The following BIN1 variants were observed in gnomAD, a reference collection of about 807,000 sequenced individuals.
BIN1 encodes myc box-dependent-interacting protein 1.
BIN1 carries 53 observed loss-of-function variants against 82.0 expected under a neutral mutation model. The ratio of observed to expected loss-of-function variants is 0.65; its 90% CI spans 0.52 to 0.81. The LOEUF is 0.81. BIN1 is among the 40% of genes least tolerant of loss of function. BIN1 has a pLI of 0.00. For synonymous variants in BIN1, 302 were observed against 328.0 expected (o/e 0.92, Z 0.86); for missense variants, 642 against 784.4 (o/e 0.82, Z 2.17).
intron 2 of BIN1, among the ~76,000 whole-genome samples, chr2:127,071,701 A>G (rs1027096598): frequency 6.6e-6 from 1 of 152,176 alleles, no homozygotes; most frequent in Non-Finnish European, 1.5e-5. Context: ...AGTTTCCAGA[A>G]GCCACGTGCA....
Position 127,070,600 on chromosome 2 carries a change from A to C in BIN1, c.268T>G (p.Tyr90Asp). The change falls in exon 4 of 19, where the codon TAT (tyrosine) becomes GAT (aspartate). Residue 90 changes from tyrosine to aspartate, a missense_variant. By Grantham distance (160) the Tyr-to-Asp change is radical (BLOSUM62 -3). Transcript: ENST00000316724. ...TCCCTGCCGGGCCAATCGGGCTCAT[A>C]CACCTCCTGCAGACACTCATTCAGC... ...KKLNECLQEV[Y>D]EPDWPGRDEA... 1 of 1,614,018 alleles carries C rather than the reference A, an allele frequency of 6.2e-7. No individual in the cohort carries two copies. Among genetic ancestry groups the C allele is most frequent in the Non-Finnish European group, 8.5e-7 (1 of 1,179,998 alleles).
chr2:127,053,984 T>A lies in BIN1; in HGVS notation c.1160A>T (p.Gln387Leu), dbSNP rs1683303431. 2 of 1,551,204 alleles carry A rather than the reference T, an allele frequency of 1.3e-6. No individual in the cohort carries two copies. Among genetic ancestry groups the A allele is most frequent in the African/African-American group, 2.7e-5 (2 of 72,948 alleles). Residue 387 changes from glutamine to leucine, a missense_variant, in exon 13 of 19, where the codon CAG (glutamine) becomes CTG (leucine). Gln to Leu is a moderately radical substitution (Grantham distance 113). Transcript: ENST00000316724. ...AAAGTCCAGGTCCAGCAGACTGGCCTGCTCCGAGAAAGGCCCCGGGGCCTC... is the reference window on the plus strand; with the variant it reads ...AAAGTCCAGGTCCAGCAGACTGGCCAGCTCCGAGAAAGGCCCCGGGGCCTC... ...QFEAPGPFSE[Q>L]ASLLDLDFDP...
In BIN1 at chr2:127,059,165, A is replaced by G; in HGVS notation, c.858-10T>C. On this transcript the variant is annotated splice_polypyrimidine_tract_variant and intron_variant, in intron 10 of 18. Coordinates refer to ENST00000316724, the MANE Select transcript of BIN1 (RefSeq NM_139343.3). This position sits in a 1 kb window ranked among gnomAD's most constrained non-coding sequence, Gnocchi z 6.7. ...TGCAGGCGCGTTGTCACTGTGGGGG[A>G]GGACAAGAAAGGGAGCCCAGTGTTG... 1 of 1,566,606 alleles carries G rather than the reference A, an allele frequency of 6.4e-7. No homozygotes were observed. Among genetic ancestry groups the G allele is most frequent in the Non-Finnish European group, 8.6e-7 (1 of 1,156,240 alleles).
intron 1 of BIN1, among the ~76,000 whole-genome samples, chr2:127,103,664 G>A (rs1465811161): frequency 6.6e-6 from 1 of 152,172 alleles, no homozygotes. Flanking sequence ...GGGCCAGCAG[G>A]CCAGATCCCC....
chr2:127,066,169 A>ACAGC (rs1685139681), intron 7 of BIN1, among the ~76,000 whole-genome samples: 2 of 152,104 alleles, frequency 1.3e-5, no homozygotes, highest in Non-Finnish European at 2.9e-5. Flanking sequence ...GTGCCATCTC[A>ACAGC]CAGCCAGCCA....
chr2:127,074,811 T>G (rs1283536222), intron 2 of BIN1, among the ~76,000 whole-genome samples: 1 of 152,250 alleles, frequency 6.6e-6, no homozygotes, highest in African/African-American at 2.4e-5. Context: ...CAAGAGATTC[T>G]TCTGCCCCAG....
At chr2:127,092,434 T>A (rs1679054402) in intron 1 of BIN1, among the ~76,000 whole-genome samples, 1 of 152,090 alleles carries the variant, frequency 6.6e-6, no homozygotes, top group South Asian at 2.1e-4. Context: ...CCACTAACCT[T>A]AGAGGGAGGT....
chr2:127,051,811 C>A (rs1281279850), intron 15 of BIN1, among the ~76,000 whole-genome samples: 2 of 152,218 alleles, frequency 1.3e-5, no homozygotes, highest in Non-Finnish European at 2.9e-5. Context: ...CTGCAGGAAC[C>A]CCAGAGCTGG....
Position 127,052,373 on chromosome 2 carries a change from G to C in BIN1, c.1264-11C>G. The C allele has an allele frequency of 1.3e-6, 2 of 1,566,336 alleles. No individual in the cohort carries two copies. The highest frequency in any genetic ancestry group is 3.7e-5 in the Admixed American group (2 of 53,464). On this transcript the variant is annotated splice_polypyrimidine_tract_variant and intron_variant, in intron 14 of 18. Coordinates refer to ENST00000316724, the MANE Select transcript of BIN1 (RefSeq NM_139343.3). ...TGGACTCTCTGTGGGCTGGTAACAG[G>C]CCACGAGGAGAGAACAGGGAGGGGG...
chr2:127,091,667 T>C (rs1045706010), intron 1 of BIN1, among the ~76,000 whole-genome samples: 2 of 152,044 alleles, frequency 1.3e-5, no homozygotes, highest in African/African-American at 4.8e-5. Flanking sequence ...GGTGGGAGGA[T>C]TGCTTGAGGC....
rs575837495 is a variant in BIN1 at position 127,095,785 on chromosome 2, G to A, written c.84+11075C>T. ...GGTCCCACCTACCTCACAGGGCACA[G>A]AGAGAAACAAATGGAAAGCGGCGGG... On this transcript the variant is annotated intron_variant, in intron 1 of 18. Coordinates refer to ENST00000316724, the MANE Select transcript of BIN1 (RefSeq NM_139343.3). Among the ~76,000 whole-genome samples the A allele has an allele frequency of 2.6e-5, 4 of 152,340 alleles. No homozygotes were observed. In the South Asian group the frequency reaches 8.3e-4, roughly 32 times the overall value.
chr2:127,053,734 G>A lies in BIN1; in HGVS notation c.1239+171C>T. ...ACTGAGAGTTCTCCCAGCTGATCAG[G>A]GGCTGCTTCCTGCCCTACAACCAGG... is the stretch of plus-strand genomic sequence containing the variant. On this transcript the variant is annotated intron_variant, in intron 13 of 18. Transcript: ENST00000316724. The A allele has an allele frequency of 2.8e-6, 2 of 726,592 alleles. 1 individual carries two copies. The highest frequency in any genetic ancestry group is 7.7e-4 in the Middle Eastern group (2 of 2,592). The allele number at this position is 726,592 out of a possible 1,614,324, so 45.0% of individuals were successfully genotyped here. A position where few individuals can be genotyped will look rare whatever the true frequency, so the allele number is the denominator to read the frequency against.
chr2:127,062,080 ACAGT>A, intron 10 of BIN1, 31 bp downstream of exon 10: 1 of 1,571,460 alleles, frequency 6.4e-7, no homozygotes, highest in Non-Finnish European at 8.6e-7. Context: ...TGCCGTGCAC[ACAGT>A]CAGGGGCGCC....
chr2:127,089,246 G>A (rs1159054842), intron 1 of BIN1, among the ~76,000 whole-genome samples: 1 of 152,160 alleles, frequency 6.6e-6, no homozygotes, highest in African/African-American at 2.4e-5. Flanking sequence ...CGGCCCCCAG[G>A]ACCACAGAGG....
chr2:127,078,383 G>A (rs1686886441), intron 1 of BIN1, among the ~76,000 whole-genome samples: 2 of 152,236 alleles, frequency 1.3e-5, no homozygotes, highest in Admixed American at 1.3e-4. Flanking sequence ...AGCCTGGGCA[G>A]TCAGTGAGAC....
At chr2:127,081,299 C>G (rs1341705819) in intron 1 of BIN1, among the ~76,000 whole-genome samples, 2 of 152,222 alleles carry the variant, frequency 1.3e-5, no homozygotes, top group Non-Finnish European at 2.9e-5. Context: ...GGGAAGTGTC[C>G]TTATGTGACA....
intron 1 of BIN1, among the ~76,000 whole-genome samples, chr2:127,089,703 G>A (rs752558078): frequency 3.3e-5 from 5 of 152,070 alleles, no homozygotes; most frequent in Non-Finnish European, 7.4e-5. Flanking sequence ...CATCTAGTCT[G>A]GGCAGCTGGC....
chr2:127,060,403 T>TGCA (rs1266554844), intron 10 of BIN1, among the ~76,000 whole-genome samples: 1 of 152,180 alleles, frequency 6.6e-6, no homozygotes, highest in East Asian at 1.9e-4. Context: ...TGCAGCCAGA[T>TGCA]GCTCAGAGGC....
chr2:127,054,396 A>C, intron 12 of BIN1: 1 of 315,084 alleles, frequency 3.2e-6, no homozygotes, highest in Non-Finnish European at 6.2e-6. Flanking sequence ...CCAATGCCCG[A>C]ACCTCCTCTC....
Sources: allele counts gnomAD v4.1 joint callset (sites outside exome capture counted in the v4.1 genomes callset), GRCh38; gene constraint gnomAD v4.1.1; non-coding constraint Gnocchi (gnomAD v3.1); transcripts MANE v1.5; gene names NCBI Gene and HGNC (gene_info 2026-07-23, HGNC 2026-07-21).